UGT1A9: variants seen among roughly 807,000 people sequenced by gnomAD.
The protein encoded by UGT1A9 is UDP glucuronosyltransferase family 1 member A9, also known as UDP-glucuronosyltransferase 1A9.
UGT1A9 carries 35 observed loss-of-function variants against 45.0 expected under a neutral mutation model. The ratio of observed to expected loss-of-function variants is 0.78; its 90% CI spans 0.59 to 1.03. UGT1A9 has a LOEUF of 1.03. UGT1A9 is among the 50% of genes least tolerant of loss of function. The pLI, the probability that UGT1A9 is intolerant of heterozygous loss-of-function variation, is 0.00. For synonymous variants in UGT1A9, 278 were observed against 250.6 expected (o/e 1.11, Z -1.03); for missense variants, 687 against 666.6 (o/e 1.03, Z -0.34).
At chr2:233,721,730 G>T (rs1364085120) in intron 1 of UGT1A9, 2 of 416,714 alleles carry the variant, frequency 4.8e-6, no homozygotes, top group South Asian at 3.7e-5. Flanking sequence ...ACTTGGATAA[G>T]CTTAATGATG....
chr2:233,697,453 T>G (rs2075391734), intron 1 of UGT1A9, among the ~76,000 whole-genome samples: 1 of 151,932 alleles, frequency 6.6e-6, no homozygotes, highest in Non-Finnish European at 1.5e-5. Context: ...TTTATCTGAG[T>G]GTTTTCTCTT....
At chr2:233,760,612 G>C in intron 1 of UGT1A9, 1 of 1,614,218 alleles carries the variant, frequency 6.2e-7, no homozygotes, top group South Asian at 1.1e-5. Flanking sequence ...CCTGCAGCGT[G>C]TGATCAAAAC....
chr2:233,752,828 G>A (rs1490866315), intron 1 of UGT1A9, among the ~76,000 whole-genome samples: 1 of 152,172 alleles, frequency 6.6e-6, no homozygotes, highest in Non-Finnish European at 1.5e-5. Context: ...TATGACATCA[G>A]TAATCTAGGA....
intron 1 of UGT1A9, among the ~76,000 whole-genome samples, chr2:233,695,593 CTTCTGGTAAT>C (rs1373970979): frequency 6.6e-6 from 1 of 151,798 alleles, no homozygotes; most frequent in Admixed American, 6.6e-5. Flanking sequence ...CCCTTTCCAC[CTTCTGGTAAT>C]TACCAATGAA....
intron 1 of UGT1A9, chr2:233,741,767 G>A (rs1691768451): frequency 6.6e-6 from 1 of 151,872 alleles, no homozygotes; most frequent in South Asian, 2.1e-4. Flanking sequence ...ATGTGTTCAG[G>A]CCATGATTTT....
In UGT1A9 at chr2:233,676,285, G is replaced by T. The variant is rs551451465; in HGVS notation, c.855+3496G>T. 2.4e-4 allele frequency among the ~76,000 whole-genome samples: 37 copies of T among 152,238 alleles called. No homozygotes were observed. The South Asian group carries it at 7.7e-3, about 32-fold the overall frequency. On this transcript the variant is annotated intron_variant, in intron 1 of 4. Transcript: ENST00000354728. ...ATCACCCCTGTGTGCATCCACAGGGGTCCTGCAAATATTTTCTCACAGTCT... is the reference window on the plus strand; with the variant it reads ...ATCACCCCTGTGTGCATCCACAGGGTTCCTGCAAATATTTTCTCACAGTCT...
At chr2:233,732,380 T>C (rs1265735798) in intron 1 of UGT1A9, among the ~76,000 whole-genome samples, 1 of 152,104 alleles carries the variant, frequency 6.6e-6, no homozygotes, top group Non-Finnish European at 1.5e-5. Context: ...CTATGTCTTC[T>C]AGGCCATGCC....
At chr2:233,705,148 AAGAG>A (rs939982250) in intron 1 of UGT1A9, among the ~76,000 whole-genome samples, 12 of 150,988 alleles carry the variant, frequency 7.9e-5, no homozygotes, top group Non-Finnish European at 1.5e-4. Context: ...AAAAAAAAAA[AAGAG>A]AGAGAGAGAG....
intron 1 of UGT1A9, among the ~76,000 whole-genome samples, chr2:233,727,538 C>T (rs1400378467): frequency 2.6e-5 from 4 of 152,150 alleles, no homozygotes; most frequent in African/African-American, 7.2e-5. Context: ...CAGGCGTGTT[C>T]CACCCGTCAC....
chr2:233,755,298 C>T (rs1354075673), intron 1 of UGT1A9: 3 of 620,036 alleles, frequency 4.8e-6, no homozygotes, highest in Non-Finnish European at 7.5e-6. Context: ...CTGCGGGGCA[C>T]TGGCACAGCG....
At chr2:233,730,558 T>A (rs898063469) in intron 1 of UGT1A9, among the ~76,000 whole-genome samples, 1 of 152,142 alleles carries the variant, frequency 6.6e-6, no homozygotes, top group African/African-American at 2.4e-5. Context: ...GATTAGAGAA[T>A]GACACACGAA....
intron 1 of UGT1A9, among the ~76,000 whole-genome samples, chr2:233,704,514 T>C (rs977723467): frequency 2.6e-5 from 4 of 152,204 alleles, no homozygotes; most frequent in African/African-American, 9.7e-5. Context: ...TACATCTATA[T>C]ATGTTACAAA....
At chr2:233,709,103 C>A (rs1294540845) in intron 1 of UGT1A9, among the ~76,000 whole-genome samples, 1 of 152,082 alleles carries the variant, frequency 6.6e-6, no homozygotes, top group African/African-American at 2.4e-5. Flanking sequence ...GTCACATGCC[C>A]ATCTCTGAAC....
intron 1 of UGT1A9, chr2:233,713,123 G>T (rs571793851): frequency 6.2e-7 from 1 of 1,614,234 alleles, no homozygotes; most frequent in South Asian, 1.1e-5. Context: ...GGCTCAGCAT[G>T]CGGGAGGCCT....
chr2:233,687,837 G>C (rs533739088), intron 1 of UGT1A9, among the ~76,000 whole-genome samples: 2 of 152,160 alleles, frequency 1.3e-5, no homozygotes, highest in Non-Finnish European at 2.9e-5. Context: ...AAACCCAGGA[G>C]GTTAAGGCTG....
At chr2:233,711,177 G>A (rs141849516) in intron 1 of UGT1A9, among the ~76,000 whole-genome samples, 37 of 152,320 alleles carry the variant, frequency 2.4e-4, no homozygotes, top group African/African-American at 3.4e-4. Flanking sequence ...CCAGGAATAT[G>A]AGCTACTCCC....
At position 233,724,792 on chromosome 2, in the gene UGT1A9, G is replaced by C. The variant is rs992945436; in HGVS notation, c.856-42242G>C. ...CAGAGACACTCCTCACTTCCCAGAC[G>C]GGGTGGCGGCCGGGCAGAGGCTGCA... On this transcript the variant is annotated intron_variant, in intron 1 of 4. Coordinates refer to ENST00000354728, the MANE Select transcript of UGT1A9 (RefSeq NM_021027.3). Among the ~76,000 whole-genome samples, 142 of 140,766 alleles carry C rather than the reference G, an allele frequency of 1.0e-3. 5 individuals are homozygous for C. Among genetic ancestry groups the C allele is most frequent in the African/African-American group, 3.7e-3 (136 of 36,304 alleles). 92.3% of individuals were successfully genotyped at this position (140,766 alleles called of 152,430 possible).
intron 1 of UGT1A9, among the ~76,000 whole-genome samples, chr2:233,696,048 T>C (rs1001404961): frequency 3.9e-5 from 6 of 152,132 alleles, no homozygotes; most frequent in Non-Finnish European, 7.4e-5. Context: ...ATTTGAAGAA[T>C]GTAAATTAGT....
intron 1 of UGT1A9, among the ~76,000 whole-genome samples, chr2:233,750,311 G>A (rs1694421303): frequency 6.6e-6 from 1 of 151,966 alleles, no homozygotes; most frequent in Admixed American, 6.5e-5. Flanking sequence ...CTAGAGATCT[G>A]TGGAACTTTG....
Sources: allele counts gnomAD v4.1 joint callset (sites outside exome capture counted in the v4.1 genomes callset), GRCh38; gene constraint gnomAD v4.1.1; transcripts MANE v1.5; gene names NCBI Gene and HGNC (gene_info 2026-07-23, HGNC 2026-07-21).